Variants in BUB1 observed in about 807,000 individuals in gnomAD.
BUB1 encodes BUB1 mitotic checkpoint serine/threonine kinase, also known as mitotic checkpoint serine/threonine-protein kinase BUB1.
A neutral mutation model predicts 135.2 loss-of-function variants in BUB1; 84 were observed. That is an observed-to-expected ratio of 0.62 (90% CI 0.52 to 0.74). BUB1 has a LOEUF of 0.74. Ranked by LOEUF, BUB1 falls within the 30% of genes least tolerant of loss-of-function variation. The pLI is 0.00. For synonymous variants in BUB1, 403 were observed against 434.4 expected (o/e 0.93, Z 0.90); for missense variants, 1,162 against 1,288.3 (o/e 0.90, Z 1.50).
Position 110,657,549 on chromosome 2 carries a change from T to A in BUB1, c.1613A>T (p.Tyr538Phe), listed in dbSNP as rs772679976. ...TAACTAGATGGTATTTTTTTACCCA[T>A]AATTTTCTTTGTTTCCATCTTCAAA... ...HVFEDGNKEN[Y>F]GLPQPKNKPT... Residue 538 changes from tyrosine to phenylalanine, a missense_variant, in exon 14 of 25, where the codon TAT (tyrosine) becomes TTT (phenylalanine). Transcript: ENST00000302759. 2 of 1,596,654 alleles carry A rather than the reference T, an allele frequency of 1.3e-6. No homozygotes were observed. Among genetic ancestry groups the A allele is most frequent in the South Asian group, 2.3e-5 (2 of 88,650 alleles).
intron 1 of BUB1, 58 bp downstream of exon 1, chr2:110,677,912 C>G: frequency 1.9e-6 from 3 of 1,573,942 alleles, no homozygotes; most frequent in Non-Finnish European, 1.7e-6. Flanking sequence ...CGGGCCGGGC[C>G]CGAACCCCAG....
In BUB1 at chr2:110,659,964, T is replaced by A. The variant is rs1440011005; in HGVS notation, c.1276+14A>T. On this transcript the variant is annotated intron_variant, in intron 11 of 24. Coordinates refer to ENST00000302759, the MANE Select transcript of BUB1 (RefSeq NM_004336.5). Reference sequence around the variant, plus strand: ...AATCTGGACAGAAACACATTTATTATAATTAAACATTACCTTCTTTGATCT... The same window carrying A: ...AATCTGGACAGAAACACATTTATTAAAATTAAACATTACCTTCTTTGATCT... 6.3e-7 allele frequency: 1 copy of A among 1,599,518 alleles called. No individual in the cohort carries two copies. Among genetic ancestry groups the A allele is most frequent in the African/African-American group, 1.3e-5 (1 of 74,600 alleles).
At chr2:110,640,631 T>C (rs1689477778) in intron 23 of BUB1, among the ~76,000 whole-genome samples, 1 of 152,178 alleles carries the variant, frequency 6.6e-6, no homozygotes, top group Non-Finnish European at 1.5e-5. Context: ...ATATCCAACA[T>C]GTGCTCAACT....
At chr2:110,646,363 AGGGGAGGGGCGGGACAGGGAGGGAC>A (rs1289461030) in intron 19 of BUB1, among the ~76,000 whole-genome samples, 1 of 12,844 alleles carries the variant, frequency 7.8e-5, no homozygotes, top group Admixed American at 1.3e-3. Flanking sequence ...AGGGGAGGGG[AGGGGAGGGGCGGGACAGGGAGGGAC>A]GGGAAGGGGC....
chr2:110,649,092 A>G, intron 19 of BUB1, 142 bp downstream of exon 19: 1 of 653,184 alleles, frequency 1.5e-6, no homozygotes, highest in South Asian at 4.4e-5. Flanking sequence ...CAAAATGATC[A>G]GTTTAGTATT....
At position 110,661,726 on chromosome 2, in the gene BUB1, G is replaced by T. The variant is rs745961127; in HGVS notation, c.1073C>A (p.Ala358Glu). The T allele has an allele frequency of 3.1e-6, 5 of 1,614,088 alleles. No individual in the cohort carries two copies. The African/African-American group carries it at 4.0e-5, about 13-fold the overall frequency. Residue 358 changes from alanine to glutamate, a missense_variant, in exon 10 of 25, where the codon GCA (alanine) becomes GAA (glutamate). By Grantham distance (107) the Ala-to-Glu change is moderately radical (BLOSUM62 -1). Coordinates refer to ENST00000302759, the MANE Select transcript of BUB1 (RefSeq NM_004336.5). ...PVNMEKNPRE[A>E]PPVVPPLANA... Reference sequence around the variant, plus strand: ...TGCCAAAGGAGGAACAACAGGAGGTGCCTCTCTTGGGTTCTTTTCCATGTT... The same window carrying T: ...TGCCAAAGGAGGAACAACAGGAGGTTCCTCTCTTGGGTTCTTTTCCATGTT...
At chr2:110,647,058 C>T (rs1035334880) in intron 19 of BUB1, among the ~76,000 whole-genome samples, 5 of 152,146 alleles carry the variant, frequency 3.3e-5, no homozygotes, top group Non-Finnish European at 5.9e-5. Context: ...CCTTCCAAAA[C>T]GGGAAGCACT....
At chr2:110,676,901 A>G (rs766253844) in intron 1 of BUB1, among the ~76,000 whole-genome samples, 3 of 152,196 alleles carry the variant, frequency 2.0e-5, no homozygotes, top group Non-Finnish European at 4.4e-5. Context: ...TAGTCATATA[A>G]ACGCATTGCT....
At chr2:110,654,579 G>C (rs982924057) in intron 16 of BUB1, among the ~76,000 whole-genome samples, 2 of 150,348 alleles carry the variant, frequency 1.3e-5, no homozygotes, top group Non-Finnish European at 3.0e-5. Flanking sequence ...TTGACTTTTT[G>C]AAGGATTCTT....
intron 5 of BUB1, among the ~76,000 whole-genome samples, 190 bp from the exon 6 acceptor site, chr2:110,669,743 A>G (rs1263264570): frequency 6.6e-6 from 1 of 152,210 alleles, no homozygotes; most frequent in Non-Finnish European, 1.5e-5. Context: ...GATCAACTCA[A>G]CATGCCAGGA....
At chr2:110,641,522 A>G (rs1226415677) in intron 21 of BUB1, 58 bp from the exon 22 acceptor site, 39 of 1,563,326 alleles carry the variant, frequency 2.5e-5, no homozygotes, top group Admixed American at 9.4e-5. Flanking sequence ...TAAAATTTCA[A>G]ATTGAGAGCT....
chr2:110,666,361 G>A lies in BUB1; in HGVS notation c.859C>T (p.Gln287Ter). 1 of 1,538,266 alleles carries A rather than the reference G, an allele frequency of 6.5e-7. No homozygotes were observed. Among genetic ancestry groups the A allele is most frequent in the South Asian group, 1.3e-5 (1 of 77,300 alleles). Residue 287 changes from glutamine (Q) to a stop codon, truncating the protein, a stop_gained, in exon 9 of 25, where the codon CAG becomes TAG. Coordinates refer to ENST00000302759, the MANE Select transcript of BUB1 (RefSeq NM_004336.5). LOFTEE classifies it high-confidence loss of function. ...TCATCCATTTTCTGTTTTAATAGCT[G>A]TTCTTCAAAAGCATTTGCTTCTTTC... ...KRKEANAFEE[Q>*]LLKQKMDELH...
At chr2:110,660,573 G>T (rs1037447341) in intron 10 of BUB1, among the ~76,000 whole-genome samples, 2 of 151,436 alleles carry the variant, frequency 1.3e-5, no homozygotes, top group African/African-American at 2.4e-5. Flanking sequence ...TTCAGGAAAA[G>T]AATTCTTACA....
chr2:110,650,810 AC>A, intron 17 of BUB1, 26 bp from the exon 18 acceptor site: 1 of 1,562,604 alleles, frequency 6.4e-7, no homozygotes. Context: ...GAATAAAGAA[AC>A]CAAAACACCA....
At position 110,655,883 on chromosome 2, in the gene BUB1, C is replaced by T; in HGVS notation, c.1732G>A (p.Asp578Asn). 6.2e-7 allele frequency: 1 copy of T among 1,613,536 alleles called. No homozygotes were observed. The highest frequency in any genetic ancestry group is 8.5e-7 in the Non-Finnish European group (1 of 1,179,652). The change falls in exon 16 of 25, where the codon GAC becomes AAC. Residue 578 changes from aspartate to asparagine, a missense_variant. Coordinates refer to ENST00000302759, the MANE Select transcript of BUB1 (RefSeq NM_004336.5). Reference protein sequence around the residue: ...EVPHAEEFLDDSTVWGIRCNK... With the variant: ...EVPHAEEFLDNSTVWGIRCNK... ...CAGCGAATACCCCATACAGTTGAGT[C>T]ATCCAAAAACTCTTCAGCATGAGGC...
intron 8 of BUB1, 83 bp from the exon 9 acceptor site, chr2:110,666,497 A>G (rs1003985725): frequency 8.9e-7 from 1 of 1,126,276 alleles, no homozygotes; most frequent in African/African-American, 1.6e-5. Flanking sequence ...GGAAAGGGTT[A>G]TATTTTAGGG....
intron 1 of BUB1, among the ~76,000 whole-genome samples, chr2:110,675,486 TG>T (rs1690551945): frequency 6.6e-6 from 1 of 151,670 alleles, no homozygotes; most frequent in Non-Finnish European, 1.5e-5. Flanking sequence ...CAGGAAAAGG[TG>T]GGGGTGACAA....
At chr2:110,676,433 A>G (rs527615106) in intron 1 of BUB1, 1 of 152,368 alleles carries the variant, frequency 6.6e-6, no homozygotes, top group Admixed American at 6.5e-5. Flanking sequence ...TGCCAAGGGA[A>G]TTATCTACCA....
chr2:110,661,545 C>T (rs754638499), intron 10 of BUB1, 37 bp downstream of exon 10: 1 of 1,601,468 alleles, frequency 6.2e-7, no homozygotes, highest in Non-Finnish European at 8.5e-7. Flanking sequence ...AGGTGCCACT[C>T]ACATCACTGT....
Sources: allele counts gnomAD v4.1 joint callset (sites outside exome capture counted in the v4.1 genomes callset), GRCh38; gene constraint gnomAD v4.1.1; transcripts MANE v1.5; gene names NCBI Gene and HGNC (gene_info 2026-07-23, HGNC 2026-07-21).